Variants in CATSPERG observed in about 807,000 individuals in gnomAD.
CATSPERG encodes the protein cation channel sperm-associated auxiliary subunit gamma.
CATSPERG carries 115 observed loss-of-function variants against 145.0 expected under a neutral mutation model. The ratio of observed to expected loss-of-function variants is 0.79; its 90% confidence interval spans 0.68 to 0.93. CATSPERG has a LOEUF of 0.93. Ranked by LOEUF, CATSPERG falls within the 40% of genes least tolerant of loss-of-function variation. The probability of loss-of-function intolerance (pLI) is 0.00; values close to 1 mark genes in which losing one functional copy is unlikely to be tolerated. For missense variants in CATSPERG, 1,296 were observed against 1,490.1 expected (o/e 0.87, Z 2.14); for synonymous variants, 588 against 589.0 (o/e 1.00, Z 0.02).
At chr19:38,338,941 C>A (rs1969890332) in intron 3 of CATSPERG, among the ~76,000 whole-genome samples, 1 of 151,888 alleles carries the variant, frequency 6.6e-6, no homozygotes, top group African/African-American at 2.4e-5. Context: ...AGACCCAACA[C>A]CAGGTCGGGG....
In CATSPERG at chr19:38,362,469, G is replaced by C. The variant is rs906404641; in HGVS notation, c.2251G>C (p.Ala751Pro). The change falls in exon 19 of 29, where the codon GCG becomes CCG. Residue 751 changes from alanine to proline, a missense_variant. Ala to Pro is a conservative substitution (Grantham distance 27, BLOSUM62 -1). Coordinates refer to ENST00000409235, the MANE Select transcript of CATSPERG (RefSeq NM_021185.5). Reference sequence around the variant, plus strand: ...CGAAAAGATCTACAACCTCGAGTCCGCGTACGAGCTGCCGGAGCGCATTTT... The same window carrying C: ...CGAAAAGATCTACAACCTCGAGTCCCCGTACGAGCTGCCGGAGCGCATTTT... ...SYEKIYNLES[A>P]YELPERIFLD... 3.1e-6 allele frequency: 5 copies of C among 1,613,964 alleles called. No individual in the cohort carries two copies. Among genetic ancestry groups the C allele is most frequent in the Non-Finnish European group, 3.4e-6 (4 of 1,180,026 alleles).
chr19:38,367,896 G>C (rs927593760), intron 25 of CATSPERG, 120 bp downstream of exon 25: 131 of 1,172,046 alleles, frequency 1.1e-4, no homozygotes, highest in Admixed American at 3.0e-4. Flanking sequence ...GCCCACAGTG[G>C]GGCTCTTAGG....
chr19:38,362,285 G>A lies in CATSPERG; in HGVS notation c.2157+13G>A. The A allele has an allele frequency of 1.2e-6, 2 of 1,613,632 alleles. No homozygotes were observed. Among genetic ancestry groups the A allele is most frequent in the Admixed American group, 1.7e-5 (1 of 60,002 alleles). On this transcript the variant is annotated intron_variant, in intron 18 of 28. Coordinates refer to ENST00000409235, the MANE Select transcript of CATSPERG (RefSeq NM_021185.5). Reference sequence around the variant, plus strand: ...CAAACAAGACCAGGTAGGCGGAGCGGATTGGGAGCCGGGAAAGGGGCGGCG... The same window carrying A: ...CAAACAAGACCAGGTAGGCGGAGCGAATTGGGAGCCGGGAAAGGGGCGGCG...
At chr19:38,343,475 C>A in intron 3 of CATSPERG, 105 bp from the exon 4 acceptor site, 1 of 1,029,050 alleles carries the variant, frequency 9.7e-7, no homozygotes, top group Non-Finnish European at 1.4e-6. Context: ...GGACAGTGTG[C>A]TGCCCCCGGA....
chr19:38,358,924 A>G (rs1970295820), intron 13 of CATSPERG, among the ~76,000 whole-genome samples: 1 of 151,980 alleles, frequency 6.6e-6, no homozygotes, highest in Non-Finnish European at 1.5e-5. Flanking sequence ...ATCTCGGCTC[A>G]CTGCAGCCCC....
In CATSPERG at chr19:38,361,843, G is replaced by C. The variant is rs1198241849; in HGVS notation, c.2076G>C (p.Leu692=). 6.2e-7 allele frequency: 1 copy of C among 1,609,956 alleles called. No individual in the cohort carries two copies. The highest frequency in any genetic ancestry group is 8.5e-7 in the Non-Finnish European group (1 of 1,178,348). ...YQGLVYYLLW[L]HSVYDKPYAD... ...GCCTGGTCTACTACCTGCTGTGGCT[G>C]CACTCCGTGTACGACAAGGTGGGCG... The change falls in exon 17 of 29, where the codon CTG becomes CTC. Residue 692 remains leucine (L), a synonymous_variant. Coordinates refer to ENST00000409235, the MANE Select transcript of CATSPERG (RefSeq NM_021185.5).
chr19:38,367,589 C>T lies in CATSPERG; in HGVS notation c.2834+17C>T. 1 of 1,613,806 alleles carries T rather than the reference C, an allele frequency of 6.2e-7. No individual in the cohort carries two copies. The highest frequency in any genetic ancestry group is 8.5e-7 in the Non-Finnish European group (1 of 1,179,696). ...CCAGGGCAGGTAAAGGCGTGGCCAGCTTGCAGCTAGGGCAGGTGGAGGGAG... is the reference window on the plus strand; with the variant it reads ...CCAGGGCAGGTAAAGGCGTGGCCAGTTTGCAGCTAGGGCAGGTGGAGGGAG... On this transcript the variant is annotated intron_variant, in intron 24 of 28. Transcript: ENST00000409235.
In CATSPERG at chr19:38,367,307, G is replaced by C; in HGVS notation, c.2765G>C (p.Arg922Pro). The C allele has an allele frequency of 6.2e-7, 1 of 1,610,876 alleles. No individual in the cohort carries two copies. The highest frequency in any genetic ancestry group is 8.5e-7 in the Non-Finnish European group (1 of 1,179,372). The change falls in exon 23 of 29, where the codon CGG becomes CCG. Residue 922 changes from arginine to proline, a missense_variant. Coordinates refer to ENST00000409235, the MANE Select transcript of CATSPERG (RefSeq NM_021185.5). ...VNPEMPCFLF[R>P]DIFYPFFLIQ... is the part of the protein sequence containing the mutation. ...CCGGAGATGCCCTGCTTTCTCTTCC[G>C]GGACAGTGTGTGTCCAGTCCCTTCC...
Position 38,354,810 on chromosome 19 carries a change from C to T in CATSPERG, c.1098C>T (p.Gly366=). The stretch of plus-strand genomic sequence containing the variant: ...AGTACATAATGGCCCTCACCACGGG[C>T]AAGCATGAGGGTTATGTACACTTCG... ...GSEYIMALTT[G]KHEGYVHFGT... The change falls in exon 9 of 29, where the codon GGC becomes GGT. Residue 366 remains glycine, a synonymous_variant. Coordinates refer to ENST00000409235, the MANE Select transcript of CATSPERG (RefSeq NM_021185.5). The T allele has an allele frequency of 6.2e-7, 1 of 1,614,124 alleles. No homozygotes were observed. Among genetic ancestry groups the T allele is most frequent in the Non-Finnish European group, 8.5e-7 (1 of 1,180,014 alleles).
chr19:38,352,511 A>C, intron 8 of CATSPERG, 79 bp downstream of exon 8: 2 of 1,368,214 alleles, frequency 1.5e-6, no homozygotes, highest in Middle Eastern at 1.8e-4. Flanking sequence ...TGGGGGCTGG[A>C]ATTGCTGTGG....
At chr19:38,353,865 G>A (rs1970195254) in intron 8 of CATSPERG, among the ~76,000 whole-genome samples, 1 of 151,020 alleles carries the variant, frequency 6.6e-6, no homozygotes, top group Admixed American at 6.6e-5. Flanking sequence ...GGTGGCATGT[G>A]CCTGTACTCC....
chr19:38,342,031 T>G lies in CATSPERG; in HGVS notation c.325-1549T>G, dbSNP rs117314599. Among the ~76,000 whole-genome samples, 71 of 149,820 alleles carry G rather than the reference T, an allele frequency of 4.7e-4. No individual in the cohort carries two copies. The East Asian group carries it at 0.014, about 29-fold the overall frequency. On this transcript the variant is annotated intron_variant, in intron 3 of 28. Coordinates refer to ENST00000409235, the MANE Select transcript of CATSPERG (RefSeq NM_021185.5). ...AGGTGGAGGTTACAGTGAGCTGTGA[T>G]GGCACCACTGCACTCCGGACTGGGC... is the stretch of plus-strand genomic sequence containing the variant.
intron 7 of CATSPERG, 77 bp from the exon 8 acceptor site, chr19:38,352,184 G>A: frequency 1.4e-6 from 2 of 1,430,262 alleles, no homozygotes; most frequent in Non-Finnish European, 1.9e-6. Context: ...TGTCAGAGCA[G>A]GAGCTTCCCC....
chr19:38,339,684 G>A (rs1029216840), intron 3 of CATSPERG, among the ~76,000 whole-genome samples: 1 of 151,884 alleles, frequency 6.6e-6, no homozygotes, highest in African/African-American at 2.4e-5. Flanking sequence ...ATTTACAAAG[G>A]CCTTGCGTAA....
intron 22 of CATSPERG, chr19:38,366,702 T>G (rs1165732334): frequency 7.7e-6 from 1 of 129,698 alleles, no homozygotes; most frequent in Non-Finnish European, 1.7e-5. Context: ...GCTCTCGGTC[T>G]TTTTTTTTTT....
At chr19:38,367,861 C>T in intron 25 of CATSPERG, 85 bp downstream of exon 25, 4 of 1,333,738 alleles carry the variant, frequency 3.0e-6, no homozygotes, top group Non-Finnish European at 4.3e-6. Flanking sequence ...ACCTCGCAAG[C>T]CCCCACCTCT....
At chr19:38,360,409 A>G (rs912957617) in intron 14 of CATSPERG, 80 bp from the exon 15 acceptor site, 3 of 1,571,892 alleles carry the variant, frequency 1.9e-6, no homozygotes, top group Admixed American at 3.5e-5. Context: ...CAATGGGGCC[A>G]CCACACTGGG....
Position 38,352,156 on chromosome 19 carries a change from G to A in CATSPERG, c.826-105G>A, listed in dbSNP as rs370758391. On this transcript the variant is annotated intron_variant, in intron 7 of 28. Transcript: ENST00000409235. ...GGAGAGCGCCCTGGGGCAGCTACAT[G>A]TGTCCCTCCCAAGCAGCTGTCAGAG... The A allele has an allele frequency of 3.4e-6, 4 of 1,174,060 alleles. No individual in the cohort carries two copies. In the East Asian group the frequency reaches 7.7e-5, roughly 23 times the overall value. The allele number at this position is 1,174,060 out of a possible 1,614,324, so 72.7% of individuals were successfully genotyped here.
intron 11 of CATSPERG, 76 bp downstream of exon 11, chr19:38,356,937 G>A: frequency 6.4e-7 from 1 of 1,572,960 alleles, no homozygotes; most frequent in African/African-American, 1.3e-5. Context: ...CATCCTGAGG[G>A]ATCTGTGCCC....
Sources: gnomAD v4.1 joint callset for allele counts (sites outside exome capture counted in the v4.1 genomes callset) on GRCh38, gnomAD v4.1.1 for gene constraint, MANE v1.5 for transcripts, NCBI Gene and HGNC (gene_info 2026-07-23, HGNC 2026-07-21) for gene names.